Variants in UBE2R2 observed in about 807,000 individuals in gnomAD.
UBE2R2 encodes the protein ubiquitin conjugating enzyme E2 R2.
A neutral mutation model predicts 27.8 loss-of-function variants in UBE2R2; 1 was observed. The ratio of observed to expected loss-of-function variants is 0.04; its 90% CI spans 0.01 to 0.17. The LOEUF (loss-of-function observed/expected upper bound fraction) is 0.17, where lower values mean the gene tolerates loss of function less well. Ranked by LOEUF, UBE2R2 falls within the 10% of genes least tolerant of loss-of-function variation. UBE2R2 has a pLI of 1.00. For missense variants in UBE2R2, 100 were observed against 291.0 expected, an observed-to-expected ratio of 0.34 and a Z score of 4.78; for synonymous variants, 106 against 113.3, an observed-to-expected ratio of 0.94 and a Z score of 0.41.
intron 4 of UBE2R2, among the ~76,000 whole-genome samples, chr9:33,914,955 G>C (rs1822604803): frequency 6.6e-6 from 1 of 151,834 alleles, no homozygotes. Flanking sequence ...TGGGCAACAT[G>C]GCAAAATACC....
intron 1 of UBE2R2, among the ~76,000 whole-genome samples, chr9:33,846,476 A>G (rs748128311): frequency 9.2e-5 from 14 of 152,156 alleles, no homozygotes; most frequent in Non-Finnish European, 1.6e-4. Flanking sequence ...CCTTGCGCCT[A>G]AAAGTATGAC....
At chr9:33,859,797 TGTGAGAGAGAGAGA>T (rs1821187379) in intron 1 of UBE2R2, among the ~76,000 whole-genome samples, 1 of 78,344 alleles carries the variant, frequency 1.3e-5, no homozygotes, top group South Asian at 5.5e-4. Context: ...TGTGTGTGTG[TGTGAGAGAGAGAGA>T]GAGAGAGAGA....
At chr9:33,847,632 CTT>C (rs1179599312) in intron 1 of UBE2R2, among the ~76,000 whole-genome samples, 1 of 151,952 alleles carries the variant, frequency 6.6e-6, no homozygotes, top group African/African-American at 2.4e-5. Context: ...TTCTCTCTCT[CTT>C]CTTCATTAAC....
intron 1 of UBE2R2, among the ~76,000 whole-genome samples, chr9:33,834,192 C>CTTTTTTTT (rs144998603): frequency 7.1e-6 from 1 of 141,110 alleles, no homozygotes. Flanking sequence ...CTTGGAGCTT[C>CTTTTTTTT]TTTTTTTTTT....
At chr9:33,910,554 C>T (rs1822460968) in intron 3 of UBE2R2, among the ~76,000 whole-genome samples, 1 of 152,170 alleles carries the variant, frequency 6.6e-6, no homozygotes, top group South Asian at 2.1e-4. Flanking sequence ...ATTTGTAAGC[C>T]ATGGGAGACC....
intron 1 of UBE2R2, among the ~76,000 whole-genome samples, chr9:33,833,156 C>T (rs1820535946): frequency 6.6e-6 from 1 of 152,208 alleles, no homozygotes; most frequent in East Asian, 1.9e-4. Flanking sequence ...CCTCCGCCTC[C>T]TGGGTTCAAG....
chr9:33,916,710 T>C lies in UBE2R2; in HGVS notation c.498-308T>C, dbSNP rs1378707418. On this transcript the variant is annotated intron_variant, in intron 4 of 4. Transcript: ENST00000263228. Reference sequence around the variant, plus strand: ...TTCTGATTCTTAAGTCGCCGACCTATTGGCCCTTACATGAATCGGAGGACA... The same window carrying C: ...TTCTGATTCTTAAGTCGCCGACCTACTGGCCCTTACATGAATCGGAGGACA... 2.0e-5 allele frequency among the ~76,000 whole-genome samples: 3 copies of C among 152,248 alleles called. No individual in the cohort carries two copies. In the East Asian group the frequency reaches 5.8e-4, roughly 29 times the overall value.
At chr9:33,844,174 A>C (rs1820788761) in intron 1 of UBE2R2, among the ~76,000 whole-genome samples, 1 of 151,892 alleles carries the variant, frequency 6.6e-6, no homozygotes, top group Non-Finnish European at 1.5e-5. Flanking sequence ...TAATTTGTCC[A>C]ATTAATAAGC....
At chr9:33,822,764 C>G (rs905365200) in intron 1 of UBE2R2, among the ~76,000 whole-genome samples, 1 of 151,696 alleles carries the variant, frequency 6.6e-6, no homozygotes, top group Non-Finnish European at 1.5e-5. Context: ...GCATTATTTC[C>G]TATGCTTCAT....
At chr9:33,902,825 C>T (rs980361034) in intron 3 of UBE2R2, among the ~76,000 whole-genome samples, 1 of 152,142 alleles carries the variant, frequency 6.6e-6, no homozygotes, top group African/African-American at 2.4e-5. Context: ...GTAGGCCGGG[C>T]GCAGTGGCTC....
intron 3 of UBE2R2, among the ~76,000 whole-genome samples, chr9:33,904,606 C>CT (rs1822312690): frequency 6.6e-6 from 1 of 152,202 alleles, no homozygotes; most frequent in South Asian, 2.1e-4. Context: ...CTTCAAGAGT[C>CT]TAAGTCAGTC....
intron 1 of UBE2R2, among the ~76,000 whole-genome samples, chr9:33,861,893 G>A (rs866525587): frequency 5.6e-5 from 7 of 125,252 alleles, no homozygotes; most frequent in African/African-American, 2.1e-4. Flanking sequence ...TCACACTGTC[G>A]CCCGGGCTGG....
intron 1 of UBE2R2, among the ~76,000 whole-genome samples, chr9:33,877,531 A>C (rs1032571435): frequency 3.9e-5 from 6 of 152,134 alleles, no homozygotes; most frequent in Admixed American, 3.3e-4. Context: ...TTCAAGAATA[A>C]TTCAAAATAT....
At chr9:33,902,296 T>C (rs1299449017) in intron 3 of UBE2R2, among the ~76,000 whole-genome samples, 1 of 152,164 alleles carries the variant, frequency 6.6e-6, no homozygotes, top group South Asian at 2.1e-4. Context: ...GTGATGCCCC[T>C]GCCTCAGCCT....
intron 1 of UBE2R2, among the ~76,000 whole-genome samples, chr9:33,864,212 G>A (rs1016611684): frequency 9.2e-5 from 14 of 152,110 alleles, no homozygotes; most frequent in Non-Finnish European, 1.6e-4. Context: ...AGAAAAAAAC[G>A]GAAAGGAAAA....
intron 4 of UBE2R2, among the ~76,000 whole-genome samples, chr9:33,916,642 C>G (rs928886867): frequency 1.3e-5 from 2 of 152,210 alleles, no homozygotes; most frequent in South Asian, 2.1e-4. Flanking sequence ...TTCACACATG[C>G]AAACAACAAA....
chr9:33,858,280 A>G (rs1171918583), intron 1 of UBE2R2, among the ~76,000 whole-genome samples: 2 of 152,220 alleles, frequency 1.3e-5, no homozygotes, highest in African/African-American at 4.8e-5. Context: ...GTCTCAGGAG[A>G]GACAGGAGAC....
chr9:33,890,554 G>A (rs1821957425), intron 2 of UBE2R2, among the ~76,000 whole-genome samples: 1 of 151,820 alleles, frequency 6.6e-6, no homozygotes, highest in Non-Finnish European at 1.5e-5. Context: ...GCTCACGCCT[G>A]TAGTCCCAGC....
chr9:33,917,565 G>A lies in UBE2R2; in HGVS notation c.*328G>A. ...GTTCACAGCAAAACACGTTTGGTCT[G>A]TTTTTAGATTCTTGAAGAATTCAAT... On this transcript the variant is annotated 3_prime_UTR_variant, in exon 5 of 5. Coordinates refer to ENST00000263228, the MANE Select transcript of UBE2R2 (RefSeq NM_017811.4). The A allele has an allele frequency of 2.1e-6, 1 of 481,066 alleles. No individual in the cohort carries two copies. 29.8% of individuals were successfully genotyped at this position (481,066 alleles called of 1,614,324 possible).
Sources: gnomAD v4.1 joint callset for allele counts (sites outside exome capture counted in the v4.1 genomes callset) on GRCh38, gnomAD v4.1.1 for gene constraint, MANE v1.5 for transcripts, NCBI Gene and HGNC (gene_info 2026-07-23, HGNC 2026-07-21) for gene names.